CNTNAP2: variants seen among roughly 807,000 people sequenced by gnomAD.
CNTNAP2 encodes contactin-associated protein-like 2.
CNTNAP2 carries 98 observed loss-of-function variants against 155.2 expected under a neutral mutation model. The observed-to-expected ratio is 0.63, with a 90% confidence interval of 0.54 to 0.75. The LOEUF is 0.75. CNTNAP2 is among the 30% of genes least tolerant of loss of function. The pLI is 0.00. For missense variants in CNTNAP2, 1,727 were observed against 1,688.1 expected, an observed-to-expected ratio of 1.02 and a Z score of -0.40; for synonymous variants, 651 against 631.2, an observed-to-expected ratio of 1.03 and a Z score of -0.47.
At chr7:147,991,324 C>A (rs774717180) in intron 15 of CNTNAP2, among the ~76,000 whole-genome samples, 10 of 150,532 alleles carry the variant, frequency 6.6e-5, no homozygotes, top group Non-Finnish European at 1.3e-4. Flanking sequence ...TAAATAACCA[C>A]AAAAGATGAT....
intron 1 of CNTNAP2, among the ~76,000 whole-genome samples, chr7:146,424,126 A>G (rs1483633857): frequency 6.6e-6 from 1 of 152,170 alleles, no homozygotes; most frequent in Non-Finnish European, 1.5e-5. Flanking sequence ...AAGACATTCA[A>G]TGTGAAAATT....
intron 8 of CNTNAP2, among the ~76,000 whole-genome samples, chr7:147,295,127 C>T (rs1481264371): frequency 6.6e-6 from 1 of 152,070 alleles, no homozygotes; most frequent in African/African-American, 2.4e-5. Flanking sequence ...ATACTTAATC[C>T]ACCTACTCAA....
At chr7:147,713,767 A>G (rs1796438830) in intron 13 of CNTNAP2, among the ~76,000 whole-genome samples, 1 of 152,134 alleles carries the variant, frequency 6.6e-6, no homozygotes, top group Non-Finnish European at 1.5e-5. Flanking sequence ...GCAATGAATG[A>G]CAGATCCAGT....
intron 3 of CNTNAP2, among the ~76,000 whole-genome samples, chr7:146,992,088 G>T (rs1415225146): frequency 6.6e-6 from 1 of 152,100 alleles, no homozygotes; most frequent in East Asian, 1.9e-4. Context: ...TTTCTGCTAT[G>T]AATCAATATT....
At chr7:148,295,307 A>T (rs954767973) in intron 21 of CNTNAP2, among the ~76,000 whole-genome samples, 2 of 152,058 alleles carry the variant, frequency 1.3e-5, no homozygotes, top group Admixed American at 6.6e-5. Context: ...AATTGTAAAG[A>T]CCCTAAGTCG....
intron 1 of CNTNAP2, among the ~76,000 whole-genome samples, chr7:146,339,936 C>T (rs1039390647): frequency 2.0e-5 from 3 of 151,906 alleles, no homozygotes; most frequent in South Asian, 2.1e-4. Flanking sequence ...TTTGGGAGGC[C>T]GAGGCGGGCG....
chr7:146,160,007 A>G (rs1171024872), intron 1 of CNTNAP2, among the ~76,000 whole-genome samples: 2 of 150,334 alleles, frequency 1.3e-5, no homozygotes, highest in Non-Finnish European at 3.0e-5. Flanking sequence ...ACTCCTCATT[A>G]GAATCAAACT....
At chr7:146,252,224 G>T (rs1037523933) in intron 1 of CNTNAP2, among the ~76,000 whole-genome samples, 1 of 152,134 alleles carries the variant, frequency 6.6e-6, no homozygotes, top group Non-Finnish European at 1.5e-5. Flanking sequence ...AAGTTCATAG[G>T]GTTCTGATGC....
rs565073206 is a variant in CNTNAP2 at position 146,746,672 on chromosome 7, C to G, written c.98-27599C>G. Among the ~76,000 whole-genome samples, 154 of 152,158 alleles carry G rather than the reference C, an allele frequency of 1.0e-3. 2 individuals are homozygous for G. In the South Asian group the frequency reaches 0.018, roughly 18 times the overall value. On this transcript the variant is annotated intron_variant, in intron 1 of 23. Coordinates refer to ENST00000361727, the MANE Select transcript of CNTNAP2 (RefSeq NM_014141.6). ...TTAGTATCTTCCCCCTATGAAAATGCTTGTATTATAAAATTTTACCTACTG... is the reference window on the plus strand; with the variant it reads ...TTAGTATCTTCCCCCTATGAAAATGGTTGTATTATAAAATTTTACCTACTG...
intron 11 of CNTNAP2, among the ~76,000 whole-genome samples, chr7:147,551,847 A>G (rs562208531): frequency 6.6e-6 from 1 of 152,330 alleles, no homozygotes; most frequent in African/African-American, 2.4e-5. Flanking sequence ...CTCTGAAATC[A>G]CCAATAATGT....
At chr7:148,298,638 G>A (rs183306188) in intron 21 of CNTNAP2, among the ~76,000 whole-genome samples, 17 of 152,092 alleles carry the variant, frequency 1.1e-4, no homozygotes, top group African/African-American at 3.9e-4. Flanking sequence ...CCAAGGATTG[G>A]AACAATACAA....
chr7:146,983,422 C>T (rs1305717296), intron 3 of CNTNAP2, among the ~76,000 whole-genome samples: 1 of 151,348 alleles, frequency 6.6e-6, no homozygotes, highest in East Asian at 1.9e-4. Flanking sequence ...AAAACATAGA[C>T]AAAAAAAACA....
chr7:147,415,472 T>C (rs984013139), intron 10 of CNTNAP2, among the ~76,000 whole-genome samples: 1 of 152,204 alleles, frequency 6.6e-6, no homozygotes, highest in Non-Finnish European at 1.5e-5. Flanking sequence ...CGAGATCTGA[T>C]GACTTTTTAA....
chr7:147,363,233 G>C (rs1222548159), intron 9 of CNTNAP2, among the ~76,000 whole-genome samples: 3 of 152,192 alleles, frequency 2.0e-5, no homozygotes, highest in Non-Finnish European at 4.4e-5. Flanking sequence ...TCTGCTGTGT[G>C]AGGATATGGT....
intron 21 of CNTNAP2, among the ~76,000 whole-genome samples, chr7:148,344,451 C>T (rs183887442): frequency 6.6e-6 from 1 of 152,332 alleles, no homozygotes; most frequent in East Asian, 1.9e-4. Flanking sequence ...CTTGCCCCAT[C>T]ATTTCCTATT....
chr7:146,168,331 T>C (rs992352542), intron 1 of CNTNAP2, among the ~76,000 whole-genome samples: 4 of 152,080 alleles, frequency 2.6e-5, no homozygotes, highest in Non-Finnish European at 5.9e-5. Flanking sequence ...CCCTATCCTA[T>C]AGATAATGTA....
At chr7:147,477,016 C>T (rs9632636) in intron 10 of CNTNAP2, among the ~76,000 whole-genome samples, 116,745 of 151,148 alleles carry the variant, frequency 0.77, 45,338 homozygotes, top group African/African-American at 0.85. Flanking sequence ...AAACTTGATA[C>T]TTAAAACAAG....
intron 2 of CNTNAP2, among the ~76,000 whole-genome samples, chr7:146,806,947 A>G (rs560715843): frequency 1.3e-5 from 2 of 152,198 alleles, no homozygotes; most frequent in Non-Finnish European, 2.9e-5. Context: ...TATGAGGATT[A>G]ATTTGGATAA....
intron 1 of CNTNAP2, among the ~76,000 whole-genome samples, chr7:146,321,744 C>A (rs1801005369): frequency 6.6e-6 from 1 of 152,100 alleles, no homozygotes. Context: ...TACACACACA[C>A]AAAGAGGTTC....
Sources: gnomAD v4.1 joint callset for allele counts (sites outside exome capture counted in the v4.1 genomes callset) on GRCh38, gnomAD v4.1.1 for gene constraint, MANE v1.5 for transcripts, NCBI Gene and HGNC (gene_info 2026-07-23, HGNC 2026-07-21) for gene names.